CDKL5: variants seen among roughly 807,000 people sequenced by gnomAD.
CDKL5 encodes the protein cyclin-dependent kinase-like 5.
CDKL5 carries 8 observed loss-of-function variants against 61.7 expected under a neutral mutation model. The ratio of observed to expected loss-of-function variants is 0.13; its 90% CI spans 0.08 to 0.23. CDKL5 has a LOEUF of 0.23. CDKL5 is among the 10% of genes least tolerant of loss of function. The pLI, the probability that CDKL5 is intolerant of heterozygous loss-of-function variation, is 1.00. For missense variants in CDKL5, 440 were observed against 734.5 expected (o/e 0.60, Z 4.63); for synonymous variants, 275 against 272.3 (o/e 1.01, Z -0.10).
At chrX:18,620,085 T>C (rs1215257031) in intron 16 of CDKL5, 119 bp downstream of exon 16, 21 of 483,939 alleles carry the variant, frequency 4.3e-5, no homozygotes, top group Non-Finnish European at 7.5e-5. Flanking sequence ...TTGACATTTT[T>C]GCACTGTATT....
In CDKL5 at chrX:18,604,437, A is replaced by C; in HGVS notation, c.1513A>C (p.Arg505=). 1 of 1,211,780 alleles carries C rather than the reference A, an allele frequency of 8.3e-7. No homozygotes were observed. The stretch of plus-strand genomic sequence containing the variant: ...GTCTGTGAGCAACCTTTCTGAAGCC[A>C]GGGCCCAAATTGCGGAGCCCAGTAC... ...SKSVSNLSEA[R]AQIAEPSTSR... is the part of the protein sequence containing the mutation. Residue 505 remains arginine (R), a synonymous_variant, in exon 12 of 18, where the codon AGG becomes CGG. Coordinates refer to ENST00000623535, the MANE Select transcript of CDKL5 (RefSeq NM_001323289.2).
chrX:18,495,516 A>G (rs1304049391), intron 1 of CDKL5, among the ~76,000 whole-genome samples: 1 of 112,021 alleles, frequency 8.9e-6, no homozygotes, highest in Non-Finnish European at 1.9e-5. Flanking sequence ...AACGCAAACA[A>G]TTTTTGAGGG....
chrX:18,456,099 A>T (rs756578708), intron 1 of CDKL5, among the ~76,000 whole-genome samples: 19 of 105,187 alleles, frequency 1.8e-4, no homozygotes, highest in African/African-American at 6.3e-4. Flanking sequence ...CCCAGGCTGG[A>T]GTGTGGTGGT....
At chrX:18,641,423 C>T (rs778125688), downstream of CDKL5, 1 of 115,139 alleles carries the variant, frequency 8.7e-6, no homozygotes, top group East Asian at 2.7e-4. Context: ...GGCTTTTGGT[C>T]ATTTGTCACG....
intron 21 of CDKL5, chrX:18,650,653 G>A: frequency 1.7e-6 from 2 of 1,146,062 alleles, no homozygotes; most frequent in African/African-American, 1.8e-5. Flanking sequence ...ATTGCCCGAG[G>A]AGCTGTAGAA....
intron 1 of CDKL5, among the ~76,000 whole-genome samples, chrX:18,479,476 T>G (rs778165181): frequency 9.2e-6 from 1 of 108,869 alleles, no homozygotes; most frequent in East Asian, 2.9e-4. Flanking sequence ...CCCGCCACCA[T>G]GCCTGGCTAA....
At chrX:18,650,780 A>G (rs901031817) in intron 21 of CDKL5, among the ~76,000 whole-genome samples, 1 of 112,463 alleles carries the variant, frequency 8.9e-6, no homozygotes, top group South Asian at 3.6e-4. Flanking sequence ...CGTCCAGCCA[A>G]TGACACCTGG....
downstream of CDKL5, among the ~76,000 whole-genome samples, chrX:18,644,902 A>G (rs1414575835): frequency 1.8e-5 from 2 of 112,741 alleles, no homozygotes; most frequent in Non-Finnish European, 3.7e-5. Flanking sequence ...TGTGGCTGAA[A>G]TTGCCTTTGG....
At chrX:18,511,336 A>G (rs1368106558) in intron 3 of CDKL5, among the ~76,000 whole-genome samples, 3 of 110,570 alleles carry the variant, frequency 2.7e-5, no homozygotes, top group Admixed American at 1.9e-4. Context: ...CTACTTTTAG[A>G]TAAGCTTGAT....
chrX:18,436,017 C>T (rs970786595), intron 1 of CDKL5, among the ~76,000 whole-genome samples: 1 of 111,461 alleles, frequency 9.0e-6, no homozygotes, highest in African/African-American at 3.3e-5. Flanking sequence ...ACTAAAATGG[C>T]CTACTGTTGA....
chrX:18,619,455 A>T (rs1462409051), intron 15 of CDKL5, among the ~76,000 whole-genome samples: 2 of 111,539 alleles, frequency 1.8e-5, no homozygotes, highest in Non-Finnish European at 3.8e-5. Context: ...CTAATAATAA[A>T]CTTGTCGAGC....
rs1247582892 is a variant in CDKL5 at position 18,635,672 on chromosome X, T to G, written c.*6915T>G. On this transcript the variant is annotated 3_prime_UTR_variant, in exon 18 of 18. Coordinates refer to ENST00000623535, the MANE Select transcript of CDKL5 (RefSeq NM_001323289.2). The stretch of plus-strand genomic sequence containing the variant: ...CTTTGGTTTGTTTTATACTTGAGTG[T>G]TGTCACCTTTGCACGTCGCTAGACA... 1 of 709,065 alleles carries G rather than the reference T, an allele frequency of 1.4e-6. No homozygotes were observed. Among genetic ancestry groups the G allele is most frequent in the Non-Finnish European group, 1.7e-6 (1 of 598,953 alleles). 58.4% of individuals were successfully genotyped at this position (709,065 alleles called of 1,213,427 possible). A position where few individuals can be genotyped will look rare whatever the true frequency, so the allele number is the denominator to read the frequency against.
At chrX:18,642,765 C>T (rs1414841279), downstream of CDKL5, among the ~76,000 whole-genome samples, 1 of 112,206 alleles carries the variant, frequency 8.9e-6, no homozygotes. Flanking sequence ...CTTGGCCAGG[C>T]GCAGTGGCTC....
At chrX:18,503,483 C>T (rs1048121335) in intron 1 of CDKL5, among the ~76,000 whole-genome samples, 8 of 111,760 alleles carry the variant, frequency 7.2e-5, no homozygotes, top group Non-Finnish European at 1.5e-4. Flanking sequence ...TGTGCCCCGC[C>T]CATAAATGTG....
intron 1 of CDKL5, chrX:18,497,408 G>T (rs1922215093): frequency 9.0e-6 from 1 of 111,349 alleles, no homozygotes; most frequent in Non-Finnish European, 1.9e-5. Flanking sequence ...GTTATCAGTT[G>T]TTGGCAATTT....
chrX:18,544,259 G>A (rs1273406360), intron 3 of CDKL5, among the ~76,000 whole-genome samples: 1 of 111,986 alleles, frequency 8.9e-6, no homozygotes, highest in Non-Finnish European at 1.9e-5. Flanking sequence ...TTCTCTCCAT[G>A]GGCAGGAGAA....
chrX:18,512,473 C>T (rs1179486575), intron 3 of CDKL5, among the ~76,000 whole-genome samples: 8 of 111,194 alleles, frequency 7.2e-5, no homozygotes, highest in Admixed American at 5.8e-4. Flanking sequence ...TTTAAGCCTT[C>T]GTGACACTTA....
intron 1 of CDKL5, among the ~76,000 whole-genome samples, chrX:18,501,746 ATCATATTGG>A (rs1419226484): frequency 2.8e-5 from 3 of 108,851 alleles, no homozygotes; most frequent in Admixed American, 9.8e-5. Context: ...ATCGGGTTTC[ATCATATTGG>A]TCATGCTGGT....
chrX:18,553,186 C>T (rs1924459914), intron 3 of CDKL5, among the ~76,000 whole-genome samples: 1 of 111,082 alleles, frequency 9.0e-6, no homozygotes, highest in African/African-American at 3.3e-5. Flanking sequence ...GAGATGTCAA[C>T]AGTGATCCCA....
Sources: gnomAD v4.1 joint callset for allele counts (sites outside exome capture counted in the v4.1 genomes callset) on GRCh38, gnomAD v4.1.1 for gene constraint, MANE v1.5 for transcripts, NCBI Gene and HGNC (gene_info 2026-07-23, HGNC 2026-07-21) for gene names.